DNAH8: variants seen among roughly 807,000 people sequenced by gnomAD.
DNAH8 encodes dynein axonemal heavy chain 8.
DNAH8 carries 382 observed loss-of-function variants against 562.1 expected under a neutral mutation model. The ratio of observed to expected loss-of-function variants is 0.68; its 90% CI spans 0.63 to 0.74. The LOEUF (loss-of-function observed/expected upper bound fraction) is 0.74. Among genes scored for constraint, DNAH8 ranks in the 30% least tolerant of loss-of-function variants. The pLI, the probability that DNAH8 is intolerant of heterozygous loss-of-function variation, is 0.00. For missense variants in DNAH8, 5,203 were observed against 5,620.4 expected (o/e 0.93, Z 2.37); for synonymous variants, 1,881 against 1,919.4 (o/e 0.98, Z 0.52).
chr6:38,782,887 G>A, intron 16 of DNAH8, 117 bp from the exon 17 acceptor site: 1 of 943,228 alleles, frequency 1.1e-6, no homozygotes, highest in Non-Finnish European at 1.6e-6. Context: ...CTGTGAGGCA[G>A]AATCTAAACT....
chr6:38,796,401 C>T (rs1447977833), intron 21 of DNAH8, among the ~76,000 whole-genome samples: 1 of 152,028 alleles, frequency 6.6e-6, no homozygotes, highest in East Asian at 1.9e-4. Flanking sequence ...CTCTGTGTGC[C>T]GTCAGTGTCC....
chr6:39,029,012 C>T (rs989266002), intron 92 of DNAH8, among the ~76,000 whole-genome samples: 9 of 152,224 alleles, frequency 5.9e-5, no homozygotes, highest in African/African-American at 1.7e-4. Flanking sequence ...CGGTCACCAT[C>T]CTCTACATTT....
intron 79 of DNAH8, among the ~76,000 whole-genome samples, chr6:38,942,299 C>T (rs1583418408): frequency 6.6e-6 from 1 of 152,098 alleles, no homozygotes; most frequent in African/African-American, 2.4e-5. Context: ...ATGCCATCTG[C>T]TAATATGACC....
chr6:38,970,315 GC>G (rs1340279393), intron 82 of DNAH8, among the ~76,000 whole-genome samples: 1 of 152,130 alleles, frequency 6.6e-6, no homozygotes, highest in Non-Finnish European at 1.5e-5. Context: ...TTCAAGTCAC[GC>G]CTCTCCTTTC....
chr6:38,832,200 C>A (rs376215058), intron 30 of DNAH8, 122 bp from the exon 31 acceptor site: 4 of 628,934 alleles, frequency 6.4e-6, no homozygotes, highest in Non-Finnish European at 8.4e-6. Context: ...TTATTACAAG[C>A]AAACAGAGAC....
At position 39,003,067 on chromosome 6, in the gene DNAH8, A is replaced by G. The variant is rs1303520240; in HGVS notation, c.13215-5747A>G. On this transcript the variant is annotated intron_variant, in intron 88 of 92. Coordinates refer to ENST00000327475, the MANE Select transcript of DNAH8 (RefSeq NM_001206927.2). The stretch of plus-strand genomic sequence containing the variant: ...CCTAAATGAATCCAAAGGCTGCTAT[A>G]TAGGATTTCCTCTACTCCCCACCAC... Among the ~76,000 whole-genome samples the G allele has an allele frequency of 3.9e-5, 6 of 152,310 alleles. No individual in the cohort carries two copies. The East Asian group carries it at 7.7e-4, about 20-fold the overall frequency.
At position 38,814,126 on chromosome 6, in the gene DNAH8, T is replaced by G; in HGVS notation, c.3330T>G (p.Asn1110Lys). ...IKSEVHLAIP[N>K]VVMIPSLDDI... Reference sequence around the variant, plus strand: ...GTGAAGTACATCTTGCAATTCCTAATGTGGTAAGTATTATTAAATACACTG... The same window carrying G: ...GTGAAGTACATCTTGCAATTCCTAAGGTGGTAAGTATTATTAAATACACTG... Residue 1110 changes from asparagine to lysine, a missense_variant, in exon 25 of 93, where the codon AAT becomes AAG. This residue lies in a region of DNAH8 where 2,176 missense variants were observed against 2,365.1 expected (regional missense o/e 0.92). Transcript: ENST00000327475. 6.7e-7 allele frequency: 1 copy of G among 1,481,954 alleles called. No homozygotes were observed. Among genetic ancestry groups the G allele is most frequent in the Non-Finnish European group, 9.4e-7 (1 of 1,061,350 alleles). 91.8% of individuals were successfully genotyped at this position (1,481,954 alleles called of 1,614,324 possible).
intron 83 of DNAH8, 129 bp downstream of exon 83, chr6:38,971,794 T>A: frequency 1.7e-6 from 1 of 592,772 alleles, no homozygotes; most frequent in Non-Finnish European, 2.7e-6. Flanking sequence ...ACCTGTGAAT[T>A]TTAAACCTCA....
chr6:38,718,794 C>A (rs977430431), intron 1 of DNAH8, among the ~76,000 whole-genome samples: 1 of 152,152 alleles, frequency 6.6e-6, no homozygotes, highest in Non-Finnish European at 1.5e-5. Context: ...TTAACAGATT[C>A]TGAATCCTTG....
intron 37 of DNAH8, 58 bp downstream of exon 37, chr6:38,848,859 C>A: frequency 6.5e-7 from 1 of 1,544,102 alleles, no homozygotes; most frequent in Non-Finnish European, 8.9e-7. Context: ...GTCTATATGT[C>A]TCTGTAAAAG....
At chr6:38,730,045 A>T (rs1320681722) in intron 4 of DNAH8, 59 bp downstream of exon 4, 2 of 781,458 alleles carry the variant, frequency 2.6e-6, no homozygotes, top group African/African-American at 3.5e-5. Context: ...AAAGTGCAGC[A>T]TATTTTTTCT....
In DNAH8 at chr6:38,852,734, CA is replaced by C. The variant is rs1775856760; in HGVS notation, c.5508del (p.His1838MetfsTer39). ...GTATCTGACAACATCAATGAGGTGA[CA>C]TTTCATGCAAAAGACTATGATCGCA... ...PAVSDNINEV[T>X]FHAKDYDRIM... On this transcript the variant is annotated frameshift_variant, in exon 40 of 93. Transcript: ENST00000327475. LOFTEE classifies it high-confidence loss of function. 6.2e-7 allele frequency: 1 copy of C among 1,613,758 alleles called. No individual in the cohort carries two copies. The highest frequency in any genetic ancestry group is 1.3e-5 in the African/African-American group (1 of 74,906).
At chr6:38,919,269 T>G (rs113528323) in intron 70 of DNAH8, among the ~76,000 whole-genome samples, 1 of 152,184 alleles carries the variant, frequency 6.6e-6, no homozygotes, top group African/African-American at 2.4e-5. Context: ...ATACTGTAAT[T>G]TGAGATTGTG....
intron 7 of DNAH8, among the ~76,000 whole-genome samples, chr6:38,740,750 G>T (rs1029515908): frequency 3.3e-5 from 5 of 152,044 alleles, no homozygotes; most frequent in South Asian, 2.1e-4. Flanking sequence ...GAGTAGCTGG[G>T]ACTACAGGCA....
At position 38,828,172 on chromosome 6, in the gene DNAH8, T is replaced by C. The variant is rs778035151; in HGVS notation, c.4084-12T>C. 5.8e-6 allele frequency: 9 copies of C among 1,558,320 alleles called. No individual in the cohort carries two copies. In the East Asian group the frequency reaches 2.1e-4, roughly 36 times the overall value. On this transcript the variant is annotated splice_polypyrimidine_tract_variant and intron_variant, in intron 29 of 92. Transcript: ENST00000327475. The stretch of plus-strand genomic sequence containing the variant: ...CCTTGTGATATTTCTAAACTCCACC[T>C]TCATCCTGCAGGAAGCCTATGCTAT...
intron 91 of DNAH8, among the ~76,000 whole-genome samples, chr6:39,017,955 G>A (rs1766666139): frequency 6.6e-6 from 1 of 152,180 alleles, no homozygotes; most frequent in Non-Finnish European, 1.5e-5. Flanking sequence ...AAGATTGGAA[G>A]GGACTTGGGG....
intron 13 of DNAH8, 103 bp downstream of exon 13, chr6:38,776,054 T>G: frequency 1.3e-6 from 1 of 765,726 alleles, no homozygotes; most frequent in East Asian, 2.5e-5. Flanking sequence ...GTTTCTATAT[T>G]TATGATTTAA....
chr6:38,821,146 C>T (rs1239654554), intron 26 of DNAH8, among the ~76,000 whole-genome samples: 1 of 152,102 alleles, frequency 6.6e-6, no homozygotes, highest in Non-Finnish European at 1.5e-5. Flanking sequence ...TAAATGAATT[C>T]AGTAAGACTG....
rs543402162 is a variant in DNAH8, at chr6:38,722,923, A to G, written c.114A>G (p.Thr38=). The part of the protein sequence containing the change: ...SEEEEAPRPP[T]VEAPAEDGFS... ...AGGAAGAGGCCCCGCGCCCTCCGAC[A>G]GTGGAGGCCCCGGCAGAAGATGGTT... Residue 38 remains threonine, a synonymous_variant, in exon 2 of 93, where the codon ACA becomes ACG. Transcript: ENST00000327475. 33 of 1,612,496 alleles carry G rather than the reference A, an allele frequency of 2.0e-5. No individual in the cohort carries two copies. Among genetic ancestry groups the G allele is most frequent in the Admixed American group, 8.3e-5 (5 of 59,994 alleles).
Sources: gnomAD v4.1 joint callset for allele counts (sites outside exome capture counted in the v4.1 genomes callset) on GRCh38, gnomAD v4.1.1 for gene constraint, gnomAD v4.1.1 regional missense constraint, MANE v1.5 for transcripts, NCBI Gene and HGNC (gene_info 2026-07-23, HGNC 2026-07-21) for gene names.